The following MAPK10 variants were observed in gnomAD, a reference collection of about 807,000 sequenced individuals.
The protein encoded by MAPK10 is JNK3 alpha protein kinase.
MAPK10 carries 25 observed loss-of-function variants against 59.3 expected under a neutral mutation model. That is an observed-to-expected ratio of 0.42 (90% confidence interval 0.31 to 0.59). The LOEUF (loss-of-function observed/expected upper bound fraction) is 0.59, where lower values mean the gene tolerates loss of function less well. Ranked by LOEUF, MAPK10 falls within the 20% of genes least tolerant of loss-of-function variation. The pLI is 0.15. For missense variants in MAPK10, 351 were observed against 568.9 expected (o/e 0.62, Z 3.90); for synonymous variants, 190 against 200.5 (o/e 0.95, Z 0.44).
At chr4:86,382,779 CCT>C (rs1740938056) in intron 1 of MAPK10, among the ~76,000 whole-genome samples, 3 of 152,110 alleles carry the variant, frequency 2.0e-5, no homozygotes, top group African/African-American at 7.2e-5. Flanking sequence ...TGTTAGAGAA[CCT>C]CTGTTTTTCT....
At chr4:86,124,352 G>A (rs2059731942) in intron 4 of MAPK10, 2 of 151,842 alleles carry the variant, frequency 1.3e-5, no homozygotes, top group African/African-American at 2.4e-5. Context: ...AGACAAAGCT[G>A]ATATTGAATT....
At chr4:86,348,412 G>T (rs1289652874) in intron 2 of MAPK10, among the ~76,000 whole-genome samples, 1 of 152,166 alleles carries the variant, frequency 6.6e-6, no homozygotes, top group African/African-American at 2.4e-5. Context: ...TTGGCATGAA[G>T]TAGGCACTCT....
Position 86,448,528 on chromosome 4 carries a change from T to A in MAPK10, c.-122+4502A>T, listed in dbSNP as rs112390095. ...AAGTATTCTTTGTGTTCTTTAGTAA[T>A]ATTTTAACTTTTTAAATGTAGATCT... On this transcript the variant is annotated intron_variant, in intron 1 of 13. Coordinates refer to the MAPK10 transcript ENST00000361569. Among the ~76,000 whole-genome samples, 200 of 152,262 alleles carry A rather than the reference T, an allele frequency of 1.3e-3. 1 individual carries two copies. Among genetic ancestry groups the A allele is most frequent in the African/African-American group, 4.6e-3 (193 of 41,576 alleles).
chr4:86,308,148 A>T (rs1180447805), intron 2 of MAPK10, among the ~76,000 whole-genome samples: 1 of 152,200 alleles, frequency 6.6e-6, no homozygotes, highest in Admixed American at 6.5e-5. Context: ...TTTGGGAGAA[A>T]GAAAATGGTT....
intron 2 of MAPK10, among the ~76,000 whole-genome samples, chr4:86,239,995 T>C (rs560942660): frequency 1.3e-5 from 2 of 152,272 alleles, no homozygotes; most frequent in South Asian, 2.1e-4. Flanking sequence ...TTTAGTGCTA[T>C]AGATTTCCTT....
chr4:86,491,405 G>A (rs1367035151), intron 1 of MAPK10, among the ~76,000 whole-genome samples: 4 of 152,202 alleles, frequency 2.6e-5, no homozygotes, highest in African/African-American at 9.6e-5. Flanking sequence ...TGCCATTGCA[G>A]TGGAGCTTTG....
chr4:86,170,094 C>T (rs12508926), intron 3 of MAPK10, among the ~76,000 whole-genome samples: 12,803 of 151,658 alleles, frequency 0.084, 1,198 homozygotes, highest in African/African-American at 0.23. Context: ...CGGTACCAGC[C>T]GCTGCAAAAT....
At chr4:86,121,309 G>C (rs1318864341) in intron 4 of MAPK10, among the ~76,000 whole-genome samples, 1 of 152,152 alleles carries the variant, frequency 6.6e-6, no homozygotes, top group African/African-American at 2.4e-5. Flanking sequence ...GCACCATCTT[G>C]TTGTGTTCTT....
At chr4:86,159,042 T>C (rs2068706679) in intron 4 of MAPK10, 2 of 306,110 alleles carry the variant, frequency 6.5e-6, no homozygotes, top group Non-Finnish European at 1.2e-5. Context: ...TTTATTTCTT[T>C]ATGATTCTTG....
chr4:86,168,196 G>A (rs1354841625), intron 3 of MAPK10, among the ~76,000 whole-genome samples: 1 of 152,224 alleles, frequency 6.6e-6, no homozygotes, highest in Non-Finnish European at 1.5e-5. Context: ...ACTAGGGAGT[G>A]CCAGACAGTG....
intron 1 of MAPK10, among the ~76,000 whole-genome samples, chr4:86,552,826 G>A (rs1013068475): frequency 1.3e-5 from 2 of 152,096 alleles, no homozygotes; most frequent in Admixed American, 6.5e-5. Context: ...GCAGCTCCCC[G>A]ATAATTTATT....
At chr4:86,087,735 C>A (rs1296229125) in intron 9 of MAPK10, among the ~76,000 whole-genome samples, 1 of 151,906 alleles carries the variant, frequency 6.6e-6, no homozygotes, top group Non-Finnish European at 1.5e-5. Context: ...CCTAATACAG[C>A]CATTTCCAGA....
intron 1 of MAPK10, among the ~76,000 whole-genome samples, chr4:86,378,755 G>A (rs1456837640): frequency 6.6e-6 from 1 of 152,168 alleles, no homozygotes; most frequent in African/African-American, 2.4e-5. Flanking sequence ...ACCTGGCACT[G>A]GATAGGCCTT....
At chr4:86,198,817 T>A (rs1369396777) in intron 2 of MAPK10, among the ~76,000 whole-genome samples, 1 of 151,594 alleles carries the variant, frequency 6.6e-6, no homozygotes, top group African/African-American at 2.4e-5. Flanking sequence ...TCAAAATACA[T>A]ATAAACAGTG....
chr4:86,068,809 T>C (rs1014229395), intron 9 of MAPK10, among the ~76,000 whole-genome samples: 3 of 152,190 alleles, frequency 2.0e-5, no homozygotes, highest in African/African-American at 7.2e-5. Context: ...TTCTCTTTTT[T>C]ATCTGTCATT....
intron 1 of MAPK10, among the ~76,000 whole-genome samples, chr4:86,402,840 C>A (rs2086627443): frequency 6.6e-6 from 1 of 152,178 alleles, no homozygotes; most frequent in South Asian, 2.1e-4. Flanking sequence ...GCATCTCTGT[C>A]AGTCAGCCCT....
At chr4:86,314,637 A>T (rs2095741259) in intron 2 of MAPK10, among the ~76,000 whole-genome samples, 1 of 152,124 alleles carries the variant, frequency 6.6e-6, no homozygotes, top group African/African-American at 2.4e-5. Context: ...CATGTGCGAA[A>T]ATTTATCACA....
At chr4:86,466,969 T>C (rs1243212634) in intron 1 of MAPK10, among the ~76,000 whole-genome samples, 2 of 152,194 alleles carry the variant, frequency 1.3e-5, no homozygotes, top group Non-Finnish European at 2.9e-5. Flanking sequence ...ATGTCCAAGA[T>C]ATGTGCTGCA....
At chr4:86,360,125 T>A, upstream of MAPK10, 1 of 985,686 alleles carries the variant, frequency 1.0e-6, no homozygotes, top group Non-Finnish European at 1.2e-6. Context: ...GGAGCACACA[T>A]GACGTCAAAG....
Sources: allele counts gnomAD v4.1 joint callset (sites outside exome capture counted in the v4.1 genomes callset), GRCh38; gene constraint gnomAD v4.1.1; transcripts MANE v1.5; gene names NCBI Gene and HGNC (gene_info 2026-07-23, HGNC 2026-07-21).